The following CDC42BPG variants were observed in gnomAD, a reference collection of about 807,000 sequenced individuals.
CDC42BPG encodes the protein CDC42 binding protein kinase gamma.
A neutral mutation model predicts 192.2 loss-of-function variants in CDC42BPG; 157 were observed. The observed-to-expected ratio is 0.82, with a 90% CI of 0.72 to 0.93. CDC42BPG has a LOEUF of 0.93. CDC42BPG is among the 40% of genes least tolerant of loss of function. CDC42BPG has a pLI of 0.00. For missense variants in CDC42BPG, 1,992 were observed against 2,122.1 expected, an observed-to-expected ratio of 0.94 and a Z score of 1.20; for synonymous variants, 981 against 918.5, an observed-to-expected ratio of 1.07 and a Z score of -1.23.
chr11:64,836,995 C>T lies in CDC42BPG; in HGVS notation c.1230G>A (p.Glu410=), dbSNP rs111845512. ...SGSHSPESSS[E]AWAALERKLQ... ...GCTTCCGCTCCAGGGCAGCCCAAGC[C>T]TCAGAGCTGCTCTCAGGACTGTGAC... Residue 410 remains glutamate (E), a synonymous_variant, in exon 10 of 37, where the codon GAG becomes GAA. Transcript: ENST00000342711. 3.7e-5 allele frequency: 59 copies of T among 1,613,618 alleles called. 3 individuals are homozygous for T. In the African/African-American group the frequency reaches 4.5e-4, roughly 12 times the overall value.
chr11:64,840,376 G>A, intron 4 of CDC42BPG, 108 bp from the exon 5 acceptor site: 1 of 1,486,452 alleles, frequency 6.7e-7, no homozygotes, highest in Non-Finnish European at 9.1e-7. Flanking sequence ...CAGCAGCTCT[G>A]GGCTGGCCAG....
rs1026783316 is a variant in CDC42BPG at position 64,833,128 on chromosome 11, G to C, written c.2731+103C>G. 27 of 1,266,488 alleles carry C rather than the reference G, an allele frequency of 2.1e-5. 1 individual carries two copies. The highest frequency in any genetic ancestry group is 1.9e-4 in the Middle Eastern group (1 of 5,270). 78.5% of individuals were successfully genotyped at this position (1,266,488 alleles called of 1,614,324 possible). A position where few individuals can be genotyped will look rare whatever the true frequency, so the allele number is the denominator to read the frequency against. On this transcript the variant is annotated intron_variant, in intron 24 of 36. Transcript: ENST00000342711. ...AACAAAGCTGAGCAGGAGGAAATTT[G>C]ACCAGCAGGTGCCAGTGACCCTGGG...
At position 64,830,647 on chromosome 11, in the gene CDC42BPG, G is replaced by A. The variant is rs1042219237; in HGVS notation, c.3305-391C>T. Among the ~76,000 whole-genome samples the A allele has an allele frequency of 1.4e-4, 21 of 152,164 alleles. No homozygotes were observed. The East Asian group carries it at 2.1e-3, about 15-fold the overall frequency. The stretch of plus-strand genomic sequence containing the variant: ...TGGTTCCCGACTGCTCCAGGGACCC[G>A]CACAACCTCTCCTGTGTCTCCCGCC... On this transcript the variant is annotated intron_variant, in intron 28 of 36. Coordinates refer to ENST00000342711, the MANE Select transcript of CDC42BPG (RefSeq NM_017525.3).
chr11:64,827,048 A>AC lies in CDC42BPG; in HGVS notation c.4389+1dup. The AC allele has an allele frequency of 6.3e-7, 1 of 1,595,024 alleles. No individual in the cohort carries two copies. The highest frequency in any genetic ancestry group is 8.6e-7 in the Non-Finnish European group (1 of 1,163,382). ...GCTTGTGATTGGCTCCAGAGGACTAACCGGGGACTTGTCCCTGGCGCCGGG... is the reference window on the plus strand; with the variant it reads ...GCTTGTGATTGGCTCCAGAGGACTAACCCGGGGACTTGTCCCTGGCGCCGGG... On this transcript the variant is annotated splice_donor_variant, in intron 34 of 36. Coordinates refer to ENST00000342711, the MANE Select transcript of CDC42BPG (RefSeq NM_017525.3). LOFTEE classifies it high-confidence loss of function.
chr11:64,833,622 G>A lies in CDC42BPG; in HGVS notation c.2603C>T (p.Ser868Phe), dbSNP rs71539679. ...GACCTTAGCAGGAAGACCTTCTGTAGAGGCTGTGTTGGCAGTGGGTGCTCT... is the reference window on the plus strand; with the variant it reads ...GACCTTAGCAGGAAGACCTTCTGTAAAGGCTGTGTTGGCAGTGGGTGCTCT... The part of the protein sequence containing the change: ...FPRAPTANTA[S>F]TEGLPAKPGS... The change falls in exon 23 of 37, where the codon TCT (serine) becomes TTT (phenylalanine). Residue 868 changes from serine to phenylalanine, a missense_variant. Transcript: ENST00000342711. The A allele has an allele frequency of 6.2e-7, 1 of 1,611,850 alleles. No homozygotes were observed.
chr11:64,833,085 T>C (rs1458289433), intron 24 of CDC42BPG, 126 bp from the exon 25 acceptor site: 11 of 1,315,324 alleles, frequency 8.4e-6, no homozygotes, highest in Non-Finnish European at 1.1e-5. Flanking sequence ...CCCCAATTCC[T>C]CATCAAGTGA....
intron 8 of CDC42BPG, 82 bp downstream of exon 8, chr11:64,838,572 C>A (rs1314765015): frequency 5.8e-6 from 9 of 1,564,680 alleles, no homozygotes; most frequent in Non-Finnish European, 7.0e-6. Flanking sequence ...CCAGCCCACC[C>A]CAGGGGACTT....
chr11:64,827,140 G>C lies in CDC42BPG; in HGVS notation c.4299C>G (p.Arg1433=), dbSNP rs760868099. Residue 1433 remains arginine (R), a synonymous_variant, in exon 34 of 37, where the codon CGC becomes CGG. Coordinates refer to ENST00000342711, the MANE Select transcript of CDC42BPG (RefSeq NM_017525.3). The part of the protein sequence containing the change: ...RREMLKDPFV[R]SKLISPPTNF... The stretch of plus-strand genomic sequence containing the variant: ...TGGTAGGCGGCGAGATGAGCTTGGA[G>C]CGCACAAAAGGGTCCTTCAGCATCT... 1 of 1,614,134 alleles carries C rather than the reference G, an allele frequency of 6.2e-7. No homozygotes were observed. The highest frequency in any genetic ancestry group is 8.5e-7 in the Non-Finnish European group (1 of 1,179,986).
intron 36 of CDC42BPG, 74 bp downstream of exon 36, chr11:64,826,396 G>T: frequency 9.6e-7 from 1 of 1,038,890 alleles, no homozygotes; most frequent in Non-Finnish European, 1.5e-6. Context: ...CTAGGTCACT[G>T]TGCAAGGCCT....
chr11:64,831,592 GC>G lies in CDC42BPG; in HGVS notation c.3216del (p.Pro1073GlnfsTer64). The G allele has an allele frequency of 6.2e-7, 1 of 1,612,258 alleles. No homozygotes were observed. Among genetic ancestry groups the G allele is most frequent in the East Asian group, 2.2e-5 (1 of 44,878 alleles). ...GELQRLLLDA[R>X]PRPRPVYTLK... The stretch of plus-strand genomic sequence containing the variant: ...AGTGTGTACACGGGCCGGGGTCTTG[GC>G]CGCGCGTCCAGCAGCAGCCGCTGCA... On this transcript the variant is annotated frameshift_variant, in exon 28 of 37. Transcript: ENST00000342711. LOFTEE classifies it high-confidence loss of function.
intron 11 of CDC42BPG, 60 bp downstream of exon 11, chr11:64,836,679 G>A: frequency 1.1e-6 from 1 of 935,232 alleles, no homozygotes; most frequent in Non-Finnish European, 1.5e-6. Flanking sequence ...GGCAGGGCAG[G>A]ACCCGAGCCC....
At chr11:64,830,171 C>T (rs1458383456) in intron 29 of CDC42BPG, 23 bp downstream of exon 29, 2 of 1,613,378 alleles carry the variant, frequency 1.2e-6, no homozygotes, top group East Asian at 4.5e-5. Flanking sequence ...CCACGCCCAC[C>T]CTAGCCCAGC....
Position 64,829,984 on chromosome 11 carries a change from C to T in CDC42BPG, c.3454G>A (p.Gly1152Ser), listed in dbSNP as rs1270176625. ...AGLLVVLCGR[G>S]PSVRLFALAE... The stretch of plus-strand genomic sequence containing the variant: ...AGGGCAAAGAGACGCACGCTGGGGC[C>T]GCGGCCACACAGCACGACCAGCAGG... The change falls in exon 30 of 37, where the codon GGC becomes AGC. Residue 1152 changes from glycine (G) to serine (S), a missense_variant. By Grantham distance (56) the Gly-to-Ser change is moderately conservative. Around this residue, in one of 2 missense-constraint regions of CDC42BPG, gnomAD observed 1,656 missense variants for 1,844.3 expected, o/e 0.90. Coordinates refer to ENST00000342711, the MANE Select transcript of CDC42BPG (RefSeq NM_017525.3). 8 of 1,612,702 alleles carry T rather than the reference C, an allele frequency of 5.0e-6. No homozygotes were observed. The highest frequency in any genetic ancestry group is 1.3e-5 in the African/African-American group (1 of 74,910).
In CDC42BPG at chr11:64,834,331, T is replaced by C; in HGVS notation, c.2348A>G (p.Gln783Arg). 1 of 1,574,826 alleles carries C rather than the reference T, an allele frequency of 6.3e-7. No individual in the cohort carries two copies. Among genetic ancestry groups the C allele is most frequent in the Non-Finnish European group, 8.6e-7 (1 of 1,164,412 alleles). Reference protein sequence around the residue: ...AERRLQEAEKQSQALQQELAM... With the variant: ...AERRLQEAEKRSQALQQELAM... ...GAGCTCCTGTTGCAGGGCCTGGCTC[T>C]GCTTCTCGGCCTCCTGCAGACGGCT... is the stretch of plus-strand genomic sequence containing the variant. Residue 783 changes from glutamine to arginine, a missense_variant, in exon 20 of 37, where the codon CAG (glutamine) becomes CGG (arginine). By Grantham distance (43) the Gln-to-Arg change is conservative. Coordinates refer to ENST00000342711, the MANE Select transcript of CDC42BPG (RefSeq NM_017525.3).
At chr11:64,825,864 G>A (rs760831429) in intron 36 of CDC42BPG, among the ~76,000 whole-genome samples, 3 of 152,032 alleles carry the variant, frequency 2.0e-5, no homozygotes, top group African/African-American at 2.4e-5. Flanking sequence ...TCAGGAGTTC[G>A]AGACCAGCCT....
At chr11:64,832,287 C>T (rs1019007382) in intron 27 of CDC42BPG, 141 bp downstream of exon 27, 75 of 887,404 alleles carry the variant, frequency 8.5e-5, no homozygotes, top group South Asian at 5.7e-4. Context: ...GAGGTGAGAC[C>T]GGGCCAGGTG....
Position 64,824,470 on chromosome 11 carries a change from G to A in CDC42BPG, c.*3C>T, listed in dbSNP as rs369748629. 36 of 1,583,254 alleles carry A rather than the reference G, an allele frequency of 2.3e-5. 1 individual carries two copies. In the Admixed American group the frequency reaches 4.8e-4, roughly 21 times the overall value. ...GGATTGGGGTGGGCCCTAACAGAGG[G>A]CATCAAGGAGAGCTCTCCAATTCAG... is the stretch of plus-strand genomic sequence containing the variant. On this transcript the variant is annotated 3_prime_UTR_variant, in exon 37 of 37. Coordinates refer to ENST00000342711, the MANE Select transcript of CDC42BPG (RefSeq NM_017525.3).
intron 34 of CDC42BPG, 28 bp downstream of exon 34, chr11:64,827,022 G>T: frequency 6.7e-7 from 1 of 1,483,472 alleles, no homozygotes; most frequent in Non-Finnish European, 9.4e-7. Flanking sequence ...TCACCAAAGT[G>T]GCTTGTGATT....
chr11:64,827,819 C>A (rs780933041), intron 30 of CDC42BPG, 36 bp from the exon 31 acceptor site: 2 of 1,547,838 alleles, frequency 1.3e-6, no homozygotes, highest in South Asian at 1.2e-5. Context: ...GCTGTTTCCC[C>A]CTCTGTTCCA....
Sources: allele counts gnomAD v4.1 joint callset (sites outside exome capture counted in the v4.1 genomes callset), GRCh38; gene constraint gnomAD v4.1.1; regional missense constraint gnomAD v4.1.1; transcripts MANE v1.5; gene names NCBI Gene and HGNC (gene_info 2026-07-23, HGNC 2026-07-21).